Variants in PAPPA observed in about 807,000 individuals in gnomAD.
PAPPA encodes pappalysin-1.
PAPPA carries 60 observed loss-of-function variants against 164.0 expected under a neutral mutation model. The ratio of observed to expected loss-of-function variants is 0.37; its 90% confidence interval spans 0.30 to 0.45. PAPPA has a LOEUF of 0.45. Among genes scored for constraint, PAPPA ranks in the 20% least tolerant of loss-of-function variants. The pLI is 1.00. For missense variants in PAPPA, 1,782 were observed against 2,087.3 expected (o/e 0.85, Z 2.85); for synonymous variants, 875 against 814.1 (o/e 1.07, Z -1.27).
intron 13 of PAPPA, among the ~76,000 whole-genome samples, chr9:116,343,189 T>C (rs73656811): frequency 2.6e-5 from 4 of 152,194 alleles, no homozygotes; most frequent in African/African-American, 9.6e-5. Flanking sequence ...AGTGAGCTCA[T>C]GTATATAAGC....
At chr9:116,374,107 T>C (rs1588025636) in intron 19 of PAPPA, among the ~76,000 whole-genome samples, 1 of 151,732 alleles carries the variant, frequency 6.6e-6, no homozygotes, top group South Asian at 2.1e-4. Flanking sequence ...GTAGTGGTGG[T>C]GCTATGATGA....
intron 21 of PAPPA, among the ~76,000 whole-genome samples, chr9:116,388,752 G>C (rs751660433): frequency 1.3e-5 from 2 of 152,196 alleles, no homozygotes; most frequent in South Asian, 4.1e-4. Context: ...AGTTAAGACT[G>C]AGACCTACAG....
At chr9:116,382,674 G>T (rs1846748354) in intron 21 of PAPPA, among the ~76,000 whole-genome samples, 181 bp downstream of exon 21, 1 of 152,072 alleles carries the variant, frequency 6.6e-6, no homozygotes, top group East Asian at 1.9e-4. Flanking sequence ...ATCATAGGCT[G>T]GGCCCTGGTT....
chr9:116,241,437 C>G (rs1012908685), intron 7 of PAPPA, among the ~76,000 whole-genome samples: 4 of 152,112 alleles, frequency 2.6e-5, no homozygotes, highest in African/African-American at 7.2e-5. Context: ...AGAAGTGTCC[C>G]CCAGTAACTT....
At chr9:116,391,381 C>T (rs1486625765) in intron 21 of PAPPA, among the ~76,000 whole-genome samples, 1 of 152,136 alleles carries the variant, frequency 6.6e-6, no homozygotes, top group Non-Finnish European at 1.5e-5. Flanking sequence ...GTGATGTGGC[C>T]CCCCACAGCC....
chr9:116,321,598 G>A (rs761132073), intron 10 of PAPPA, among the ~76,000 whole-genome samples: 14 of 152,174 alleles, frequency 9.2e-5, no homozygotes, highest in Middle Eastern at 6.3e-3. Flanking sequence ...CTGATGTCAC[G>A]TGGGAATGAG....
chr9:116,212,613 C>T (rs1844322401), intron 4 of PAPPA, among the ~76,000 whole-genome samples: 1 of 152,040 alleles, frequency 6.6e-6, no homozygotes, highest in South Asian at 2.1e-4. Context: ...TGTCTTTTTC[C>T]CCACTAGAAC....
intron 19 of PAPPA, among the ~76,000 whole-genome samples, chr9:116,376,721 C>G (rs1212216544): frequency 6.6e-6 from 1 of 152,026 alleles, no homozygotes; most frequent in Non-Finnish European, 1.5e-5. Context: ...GGAAAAGTGC[C>G]AAAGAAGACA....
At chr9:116,381,800 G>C (rs1846735073) in intron 20 of PAPPA, among the ~76,000 whole-genome samples, 1 of 152,112 alleles carries the variant, frequency 6.6e-6, no homozygotes, top group African/African-American at 2.4e-5. Flanking sequence ...CTTATTGTTT[G>C]GAGAGCAAAA....
At chr9:116,257,290 GA>G (rs1210828511) in intron 7 of PAPPA, among the ~76,000 whole-genome samples, 1 of 151,914 alleles carries the variant, frequency 6.6e-6, no homozygotes. Flanking sequence ...CCTTCATGAT[GA>G]AAAAATTATA....
chr9:116,231,409 C>T (rs1409067314), intron 6 of PAPPA, among the ~76,000 whole-genome samples: 2 of 152,072 alleles, frequency 1.3e-5, no homozygotes, highest in Non-Finnish European at 2.9e-5. Flanking sequence ...CTTCCGACTA[C>T]ATGTCCAATC....
chr9:116,262,471 A>G (rs1393352354), intron 7 of PAPPA, among the ~76,000 whole-genome samples: 2 of 152,232 alleles, frequency 1.3e-5, no homozygotes, highest in Non-Finnish European at 2.9e-5. Context: ...TGGAAGTTTC[A>G]GCTTGGTAGC....
At chr9:116,336,805 TTAAAA>T (rs1846067784) in intron 13 of PAPPA, among the ~76,000 whole-genome samples, 1 of 152,182 alleles carries the variant, frequency 6.6e-6, no homozygotes, top group Non-Finnish European at 1.5e-5. Context: ...TTCCCCATCT[TTAAAA>T]TGATGATGGT....
intron 8 of PAPPA, among the ~76,000 whole-genome samples, chr9:116,268,590 T>C (rs1845099282): frequency 6.6e-6 from 1 of 152,160 alleles, no homozygotes; most frequent in Non-Finnish European, 1.5e-5. Context: ...TCTCAGCTCA[T>C]GGTGGAAACA....
At position 116,242,869 on chromosome 9, in the gene PAPPA, C is replaced by T. The variant is rs549821285; in HGVS notation, c.2732+7232C>T. 7.3e-4 allele frequency among the ~76,000 whole-genome samples: 111 copies of T among 152,164 alleles called. 1 individual carries two copies. Among genetic ancestry groups the T allele is most frequent in the East Asian group, 1.9e-4 (1 of 5,172 alleles). On this transcript the variant is annotated intron_variant, in intron 7 of 21. Coordinates refer to ENST00000328252, the MANE Select transcript of PAPPA (RefSeq NM_002581.5). ...AGTGTTTTTTCTTTGCACTTTTTTA[C>T]CCACTTTGATGGGAAAAATATGACT...
At chr9:116,275,401 C>A (rs1472781035) in intron 9 of PAPPA, among the ~76,000 whole-genome samples, 1 of 152,140 alleles carries the variant, frequency 6.6e-6, no homozygotes, top group East Asian at 1.9e-4. Flanking sequence ...TCATACGCAT[C>A]TTTGTTTTCT....
chr9:116,330,072 CT>C (rs1177115754), intron 10 of PAPPA, among the ~76,000 whole-genome samples: 1 of 152,120 alleles, frequency 6.6e-6, no homozygotes, highest in Non-Finnish European at 1.5e-5. Flanking sequence ...GGATATATCA[CT>C]TTTTTTCAAT....
At position 116,169,886 on chromosome 9, in the gene PAPPA, A is replaced by G. The variant is rs1271138554; in HGVS notation, c.415+15299A>G. Among the ~76,000 whole-genome samples, 4 of 152,050 alleles carry G rather than the reference A, an allele frequency of 2.6e-5. No individual in the cohort carries two copies. The East Asian group carries it at 5.8e-4, about 22-fold the overall frequency. On this transcript the variant is annotated intron_variant, in intron 1 of 21. Coordinates refer to ENST00000328252, the MANE Select transcript of PAPPA (RefSeq NM_002581.5). Reference sequence around the variant, plus strand: ...CCAAGAGTGGGGTCTCAGTTACAACAGCATCATGATCGATTGCTGATGTTA... The same window carrying G: ...CCAAGAGTGGGGTCTCAGTTACAACGGCATCATGATCGATTGCTGATGTTA...
At chr9:116,341,279 G>A (rs965339430) in intron 13 of PAPPA, among the ~76,000 whole-genome samples, 8 of 152,092 alleles carry the variant, frequency 5.3e-5, no homozygotes, top group African/African-American at 1.9e-4. Flanking sequence ...GACCTCAAGT[G>A]ATCTATCTGC....
Sources: gnomAD v4.1 joint callset for allele counts (sites outside exome capture counted in the v4.1 genomes callset) on GRCh38, gnomAD v4.1.1 for gene constraint, MANE v1.5 for transcripts, NCBI Gene and HGNC (gene_info 2026-07-23, HGNC 2026-07-21) for gene names.